Variants in RALGAPB observed in about 807,000 individuals in gnomAD.
RALGAPB encodes Ral GTPase activating protein non-catalytic subunit beta.
A neutral mutation model predicts 161.1 loss-of-function variants in RALGAPB; 25 were observed. The observed-to-expected ratio is 0.16, with a 90% CI of 0.11 to 0.22. The LOEUF (loss-of-function observed/expected upper bound fraction) is 0.22, where lower values mean the gene tolerates loss of function less well. Among genes scored for constraint, RALGAPB ranks in the 10% least tolerant of loss-of-function variants. The probability of loss-of-function intolerance (pLI) is 1.00; values close to 1 mark genes in which losing one functional copy is unlikely to be tolerated. For synonymous variants in RALGAPB, 629 were observed against 626.1 expected, an observed-to-expected ratio of 1.00 and a Z score of -0.07; for missense variants, 1,391 against 1,815.2, an observed-to-expected ratio of 0.77 and a Z score of 4.25.
intron 1 of RALGAPB, among the ~76,000 whole-genome samples, chr20:38,474,522 A>G (rs979158346): frequency 3.9e-5 from 6 of 151,950 alleles, no homozygotes; most frequent in African/African-American, 1.4e-4. Context: ...GAAGCAGTCC[A>G]CCCACTATGG....
rs1457067313 is a variant in RALGAPB at position 38,488,331 on chromosome 20, A to C, written c.-30-72A>C. ...ATTCTTTATCATGCCAATAGTCTATACATCTGTTTTATTTATTTCTGTTAA... is the reference window on the plus strand; with the variant it reads ...ATTCTTTATCATGCCAATAGTCTATCCATCTGTTTTATTTATTTCTGTTAA... On this transcript the variant is annotated intron_variant, in intron 1 of 29. Coordinates refer to ENST00000262879, the MANE Select transcript of RALGAPB (RefSeq NM_020336.4). 4.2e-6 allele frequency: 4 copies of C among 963,846 alleles called. No homozygotes were observed. In the African/African-American group the frequency reaches 6.5e-5, roughly 16 times the overall value. The allele number at this position is 963,846 out of a possible 1,614,324, so 59.7% of individuals were successfully genotyped here.
At chr20:38,525,052 C>A in intron 11 of RALGAPB, 107 bp downstream of exon 11, 2 of 1,112,232 alleles carry the variant, frequency 1.8e-6, no homozygotes, top group Non-Finnish European at 2.6e-6. Flanking sequence ...CTTCATAGTC[C>A]AAGAGAACTC....
chr20:38,506,418 T>C (rs1302447996), intron 5 of RALGAPB, among the ~76,000 whole-genome samples: 1 of 152,058 alleles, frequency 6.6e-6, no homozygotes, highest in Non-Finnish European at 1.5e-5. Context: ...CTCAGCCACC[T>C]GAGTAGCTGG....
At chr20:38,488,267 C>G (rs2085176709) in intron 1 of RALGAPB, 136 bp from the exon 2 acceptor site, 1 of 553,426 alleles carries the variant, frequency 1.8e-6, no homozygotes, top group African/African-American at 1.9e-5. Flanking sequence ...TCATGACCCA[C>G]AGTTTGAAAA....
chr20:38,504,622 A>G (rs948486218), intron 5 of RALGAPB, among the ~76,000 whole-genome samples: 12 of 152,252 alleles, frequency 7.9e-5, no homozygotes, highest in African/African-American at 2.7e-4. Context: ...AAAAGAAACT[A>G]TCAACAGAGT....
chr20:38,558,901 T>C (rs143954380), intron 23 of RALGAPB, among the ~76,000 whole-genome samples: 31 of 152,316 alleles, frequency 2.0e-4, no homozygotes, highest in African/African-American at 7.5e-4. Flanking sequence ...TTTCTAGGCA[T>C]GATAATTTGA....
chr20:38,537,768 A>G (rs2145370379), intron 16 of RALGAPB: 1 of 152,306 alleles, frequency 6.6e-6, no homozygotes, highest in African/African-American at 2.4e-5. Context: ...ATGGTGGTGA[A>G]AATTTCTAAG....
At chr20:38,558,094 T>C (rs2087651655) in intron 22 of RALGAPB, among the ~76,000 whole-genome samples, 5 of 152,340 alleles carry the variant, frequency 3.3e-5, no homozygotes, top group South Asian at 4.1e-4. Context: ...CAGTTGTCTT[T>C]AATTTAAAAA....
chr20:38,531,433 G>A (rs1003870095), intron 14 of RALGAPB, among the ~76,000 whole-genome samples: 3 of 152,056 alleles, frequency 2.0e-5, no homozygotes, highest in African/African-American at 4.8e-5. Flanking sequence ...TCAGGTTCCC[G>A]AGATATTCTG....
intron 9 of RALGAPB, chr20:38,520,330 A>T: frequency 6.9e-6 from 5 of 722,556 alleles, no homozygotes; most frequent in Non-Finnish European, 8.5e-6. Context: ...TATTTTTTTC[A>T]TAATTCCATT....
chr20:38,542,052 GGGAA>G (rs1237229112), intron 18 of RALGAPB, among the ~76,000 whole-genome samples: 4 of 152,328 alleles, frequency 2.6e-5, no homozygotes, highest in Admixed American at 2.6e-4. Context: ...ACTGGAAAGA[GGGAA>G]GGAAGGCAGC....
chr20:38,490,937 G>A (rs1247801830), intron 2 of RALGAPB, among the ~76,000 whole-genome samples: 2 of 152,196 alleles, frequency 1.3e-5, no homozygotes, highest in African/African-American at 2.4e-5. Flanking sequence ...GGGCCACTAC[G>A]CCTGGCCTAG....
chr20:38,514,788 A>G (rs531933293), intron 6 of RALGAPB, among the ~76,000 whole-genome samples: 1 of 152,308 alleles, frequency 6.6e-6, no homozygotes, highest in South Asian at 2.1e-4. Context: ...TGTTTCAGTA[A>G]ATTTAGGTCT....
chr20:38,537,764 G>T (rs1263108540), intron 16 of RALGAPB: 1 of 152,156 alleles, frequency 6.6e-6, no homozygotes, highest in Non-Finnish European at 1.5e-5. Context: ...CAATATGGTG[G>T]TGAAAATTTC....
chr20:38,549,637 G>A (rs2087304476), intron 20 of RALGAPB, among the ~76,000 whole-genome samples: 2 of 151,218 alleles, frequency 1.3e-5, no homozygotes, highest in South Asian at 4.2e-4. Flanking sequence ...GAAATCTTTT[G>A]GGGTGCAGTT....
At chr20:38,491,066 T>G (rs1347202948) in intron 2 of RALGAPB, among the ~76,000 whole-genome samples, 1 of 152,246 alleles carries the variant, frequency 6.6e-6, no homozygotes, top group Non-Finnish European at 1.5e-5. Context: ...GGCTAAATCT[T>G]GCTACACCCT....
Position 38,574,217 on chromosome 20 carries a change from A to G in RALGAPB, c.4210A>G (p.Ile1404Val). Residue 1404 changes from isoleucine (I) to valine (V), a missense_variant, in exon 29 of 30, where the codon ATA becomes GTA. By Grantham distance (29) the Ile-to-Val change is conservative (BLOSUM62 3). Around this residue, in one of 3 missense-constraint regions of RALGAPB, gnomAD observed 436 missense variants for 527.0 expected, o/e 0.83. Transcript: ENST00000262879. ...CCCTTTAAACACTGGATTATTCCGG[A>G]TAAAAATTCAAGGAGCCACTGGAAA... ...IHPLNTGLFR[I>V]KIQGATGKFN... is the part of the protein sequence containing the mutation. The G allele has an allele frequency of 6.2e-7, 1 of 1,613,872 alleles. No homozygotes were observed. The highest frequency in any genetic ancestry group is 8.5e-7 in the Non-Finnish European group (1 of 1,179,818).
chr20:38,551,555 G>C (rs572662739), intron 21 of RALGAPB, among the ~76,000 whole-genome samples: 1 of 152,196 alleles, frequency 6.6e-6, no homozygotes, highest in African/African-American at 2.4e-5. Context: ...TATAAGAAAG[G>C]AAGGACTATT....
chr20:38,481,274 CTTATGTTATAG>C (rs2122827905), intron 1 of RALGAPB, among the ~76,000 whole-genome samples: 1 of 152,238 alleles, frequency 6.6e-6, no homozygotes. Context: ...AATGTTCTAA[CTTATGTTATAG>C]TTATTTATGG....
Sources: allele counts gnomAD v4.1 joint callset (sites outside exome capture counted in the v4.1 genomes callset), GRCh38; gene constraint gnomAD v4.1.1; regional missense constraint gnomAD v4.1.1; transcripts MANE v1.5; gene names NCBI Gene and HGNC (gene_info 2026-07-23, HGNC 2026-07-21).